The following SRGAP3 variants were observed in gnomAD, a reference collection of about 807,000 sequenced individuals.
The protein encoded by SRGAP3 is SLIT-ROBO Rho GTPase activating protein 3, also known as SLIT-ROBO Rho GTPase-activating protein 3.
In SRGAP3, 39 loss-of-function variants were observed where a neutral mutation model predicts 121.1. The observed-to-expected ratio is 0.32, with a 90% CI of 0.25 to 0.42. The LOEUF is 0.42. Ranked by LOEUF, SRGAP3 falls within the 10% of genes least tolerant of loss-of-function variation. The pLI is 1.00. For synonymous variants in SRGAP3, 601 were observed against 570.0 expected, an observed-to-expected ratio of 1.05 and a Z score of -0.77; for missense variants, 1,213 against 1,470.6, an observed-to-expected ratio of 0.82 and a Z score of 2.86.
intron 21 of SRGAP3, among the ~76,000 whole-genome samples, chr3:8,986,373 C>G (rs893784360): frequency 6.6e-6 from 1 of 152,226 alleles, no homozygotes; most frequent in South Asian, 2.1e-4. Flanking sequence ...TGACCCCTGG[C>G]ACAGAGTAAG....
chr3:9,322,247 G>A (rs1955449240), intron 3 of SRGAP3, among the ~76,000 whole-genome samples: 1 of 151,788 alleles, frequency 6.6e-6, no homozygotes, highest in African/African-American at 2.4e-5. Context: ...GGAGTGTGGT[G>A]GGAGTTGTGG....
intron 7 of SRGAP3, among the ~76,000 whole-genome samples, chr3:9,057,955 G>A (rs778210599): frequency 5.7e-4 from 86 of 152,206 alleles, no homozygotes; most frequent in Non-Finnish European, 8.2e-4. Flanking sequence ...ACCCGCACAT[G>A]TGGGGTTAGA....
rs936671129 is a variant in SRGAP3, at chr3:9,013,526, C to G, written c.1929G>C (p.Gln643His). 1.3e-5 allele frequency: 21 copies of G among 1,613,986 alleles called. No individual in the cohort carries two copies. Among genetic ancestry groups the G allele is most frequent in the Non-Finnish European group, 1.6e-5 (19 of 1,180,032 alleles). The change falls in exon 17 of 22, where the codon CAG (glutamine) becomes CAC (histidine). Residue 643 changes from glutamine (Q) to histidine (H), a missense_variant. By Grantham distance (24) the Gln-to-His change is conservative (BLOSUM62 0). Transcript: ENST00000383836. ...GATCCATCATGTTCTCGTCGCTATA[C>G]TGGGAGAGGCTAGGAGAGAGGAGTT... ...YLFAFLNHLS[Q>H]YSDENMMDPY...
intron 4 of SRGAP3, chr3:9,065,676 C>CT (rs1474676623): frequency 2.0e-5 from 3 of 152,154 alleles, no homozygotes; most frequent in Non-Finnish European, 2.9e-5. Flanking sequence ...ATCAGAACTT[C>CT]TTTTTTATGG....
At chr3:9,276,048 CGGAA>C (rs201484210) in intron 3 of SRGAP3, among the ~76,000 whole-genome samples, 5 of 151,718 alleles carry the variant, frequency 3.3e-5, no homozygotes, top group Middle Eastern at 3.2e-3. Context: ...AAAAAAAAGT[CGGAA>C]GGAAGGAAGG....
intron 4 of SRGAP3, among the ~76,000 whole-genome samples, chr3:9,068,950 C>A (rs915947153): frequency 1.3e-5 from 2 of 152,144 alleles, no homozygotes; most frequent in African/African-American, 2.4e-5. Flanking sequence ...TATATTAACT[C>A]ATTTATTTCT....
chr3:9,216,117 G>A (rs1952611826), intron 1 of SRGAP3, among the ~76,000 whole-genome samples: 1 of 152,104 alleles, frequency 6.6e-6, no homozygotes, highest in Non-Finnish European at 1.5e-5. Flanking sequence ...CACACTCAGA[G>A]GGCCTGAGCA....
intron 1 of SRGAP3, among the ~76,000 whole-genome samples, chr3:9,335,357 A>G (rs977206072): frequency 2.6e-5 from 4 of 152,178 alleles, no homozygotes; most frequent in Admixed American, 2.6e-4. Context: ...TAAATCTTTG[A>G]TTTTGAAATA....
chr3:9,314,251 C>T (rs1955304895), intron 3 of SRGAP3, among the ~76,000 whole-genome samples: 1 of 152,068 alleles, frequency 6.6e-6, no homozygotes, highest in South Asian at 2.1e-4. Flanking sequence ...AGGCAGACCA[C>T]AACAGGGTGA....
chr3:9,291,393 T>C (rs1313457596), intron 3 of SRGAP3, among the ~76,000 whole-genome samples: 2 of 152,346 alleles, frequency 1.3e-5, no homozygotes, highest in Admixed American at 6.5e-5. Flanking sequence ...CAAAGTACCA[T>C]GTGAGTCCCT....
chr3:9,000,628 C>T (rs1942698924), intron 18 of SRGAP3, among the ~76,000 whole-genome samples: 1 of 152,118 alleles, frequency 6.6e-6, no homozygotes, highest in South Asian at 2.1e-4. Context: ...ATGAATTTAA[C>T]GAATATAGAA....
chr3:8,990,741 G>T lies in SRGAP3; in HGVS notation c.2657C>A (p.Pro886Gln). ...PRGLGPSIDT[P>Q]PRAAACPSSP... ...GCTGGGGCAGGCAGCAGCCCGGGGT[G>T]GTGTGTCTATGCTGGGGCCCAGGCC... The change falls in exon 21 of 22, where the codon CCA (proline) becomes CAA (glutamine). Residue 886 changes from proline to glutamine, a missense_variant. Physicochemically the swap from Pro to Gln is moderately conservative, Grantham distance 76. Transcript: ENST00000383836. The T allele has an allele frequency of 3.1e-6, 5 of 1,611,202 alleles. No individual in the cohort carries two copies. The highest frequency in any genetic ancestry group is 4.2e-6 in the Non-Finnish European group (5 of 1,179,240).
At chr3:9,026,315 ATTTCCTTGCCC>A (rs1944197474) in intron 13 of SRGAP3, among the ~76,000 whole-genome samples, 1 of 152,126 alleles carries the variant, frequency 6.6e-6, no homozygotes, top group South Asian at 2.1e-4. Flanking sequence ...CCACTTGATA[ATTTCCTTGCCC>A]TTTTCATTGG....
chr3:9,102,547 T>C (rs1393317999), intron 3 of SRGAP3, among the ~76,000 whole-genome samples: 1 of 152,206 alleles, frequency 6.6e-6, no homozygotes, highest in Non-Finnish European at 1.5e-5. Flanking sequence ...TATTATTATG[T>C]AAAGAGTGCC....
At chr3:9,283,307 G>C (rs561154034) in intron 3 of SRGAP3, among the ~76,000 whole-genome samples, 3 of 152,096 alleles carry the variant, frequency 2.0e-5, no homozygotes, top group Admixed American at 6.6e-5. Flanking sequence ...TTCATACTCC[G>C]TTAACATTAA....
intron 4 of SRGAP3, among the ~76,000 whole-genome samples, chr3:9,067,966 G>C (rs537975777): frequency 6.6e-6 from 1 of 152,064 alleles, no homozygotes; most frequent in Non-Finnish European, 1.5e-5. Context: ...AATAAAATAG[G>C]TGTGGCTAAA....
rs544948394 is a variant in SRGAP3, at chr3:8,988,736, G to A, written c.2886+1776C>T. Among the ~76,000 whole-genome samples, 3 of 136,978 alleles carry A rather than the reference G, an allele frequency of 2.2e-5. No individual in the cohort carries two copies. In the South Asian group the frequency reaches 6.4e-4, roughly 29 times the overall value. The allele number at this position is 136,978 out of a possible 152,430, so 89.9% of individuals were successfully genotyped here. The stretch of plus-strand genomic sequence containing the variant: ...CGTGGAAGACAATTTTTCCACAGAT[G>A]GGGGGTCAGGAGGATGCTTTCGGAT... On this transcript the variant is annotated intron_variant, in intron 21 of 21. Coordinates refer to ENST00000383836, the MANE Select transcript of SRGAP3 (RefSeq NM_014850.4).
At chr3:9,094,824 T>C (rs1272745219) in intron 3 of SRGAP3, among the ~76,000 whole-genome samples, 1 of 152,120 alleles carries the variant, frequency 6.6e-6, no homozygotes, top group Admixed American at 6.5e-5. Context: ...AGTGTAATCA[T>C]AGCTCACTGC....
At chr3:8,997,483 G>A (rs1376130700) in intron 18 of SRGAP3, among the ~76,000 whole-genome samples, 1 of 152,138 alleles carries the variant, frequency 6.6e-6, no homozygotes, top group East Asian at 1.9e-4. Context: ...AAAATCCTCA[G>A]AAGGCTTCCC....
Sources: gnomAD v4.1 joint callset for allele counts (sites outside exome capture counted in the v4.1 genomes callset) on GRCh38, gnomAD v4.1.1 for gene constraint, MANE v1.5 for transcripts, NCBI Gene and HGNC (gene_info 2026-07-23, HGNC 2026-07-21) for gene names.